Variants in TBC1D8B observed in about 807,000 individuals in gnomAD.
TBC1D8B encodes TBC1 domain family member 8B.
Under a neutral mutation model 82.9 loss-of-function variants are expected in TBC1D8B, and 75 were observed. The observed-to-expected ratio is 0.90, with a 90% confidence interval of 0.75 to 1.10. The LOEUF (loss-of-function observed/expected upper bound fraction) is 1.10. TBC1D8B is among the 50% of genes least tolerant of loss of function. The pLI is 0.00. For missense variants in TBC1D8B, 794 were observed against 796.9 expected, an observed-to-expected ratio of 1.00 and a Z score of 0.04; for synonymous variants, 276 against 276.8, an observed-to-expected ratio of 1.00 and a Z score of 0.03.
chrX:106,842,537 A>G (rs1429591038), intron 10 of TBC1D8B, among the ~76,000 whole-genome samples: 2 of 110,903 alleles, frequency 1.8e-5, no homozygotes, highest in Non-Finnish European at 3.8e-5. Context: ...TAAACTTAAT[A>G]TGGTAGACAG....
chrX:106,855,448 A>C (rs1932676129), intron 14 of TBC1D8B, among the ~76,000 whole-genome samples: 1 of 112,131 alleles, frequency 8.9e-6, no homozygotes, highest in South Asian at 3.7e-4. Context: ...GCACACATGC[A>C]TGTGTATTGG....
chrX:106,865,500 GA>G (rs1274027955), intron 14 of TBC1D8B, 58 bp from the exon 15 acceptor site: 1 of 962,051 alleles, frequency 1.0e-6, no homozygotes, highest in East Asian at 3.2e-5. Context: ...AATTCAAAGA[GA>G]ATTTCTTTAC....
intron 7 of TBC1D8B, chrX:106,828,016 AG>A (rs755324648): frequency 3.0e-4 from 34 of 111,713 alleles, no homozygotes; most frequent in African/African-American, 1.1e-3. Context: ...GTTTTTTGAA[AG>A]GATCAACAAA....
chrX:106,839,457 G>A lies in TBC1D8B; in HGVS notation c.1353G>A (p.Met451Ile). Residue 451 changes from methionine (M) to isoleucine (I), a missense_variant and splice_region_variant, in exon 8 of 21, where the codon ATG becomes ATA. Met to Ile is a conservative substitution (Grantham distance 10). Transcript: ENST00000357242. ...PQNLETLNSKMLKEKMKEQSW... is the reference protein window; with the variant it reads ...PQNLETLNSKILKEKMKEQSW... Reference sequence around the variant, plus strand: ...ATTTGGAGACTCTTAATTCTAAAATGGTAGGAAAACAAAATATTTAAACCT... The same window carrying A: ...ATTTGGAGACTCTTAATTCTAAAATAGTAGGAAAACAAAATATTTAAACCT... 4 of 1,139,826 alleles carry A rather than the reference G, an allele frequency of 3.5e-6. No homozygotes were observed. The highest frequency in any genetic ancestry group is 4.7e-6 in the Non-Finnish European group (4 of 859,512). 93.9% of individuals were successfully genotyped at this position (1,139,826 alleles called of 1,213,427 possible). A position where few individuals can be genotyped will look rare whatever the true frequency, so the allele number is the denominator to read the frequency against.
rs189984711 is a variant in TBC1D8B at position 106,835,057 on chromosome X, C to T, written c.1204-4251C>T. On this transcript the variant is annotated intron_variant, in intron 7 of 20. Transcript: ENST00000357242. ...CAATGGGGACTCTATGTGGGGGCTCCGACCCCACATTTTCCTTCCATACTG... is the reference window on the plus strand; with the variant it reads ...CAATGGGGACTCTATGTGGGGGCTCTGACCCCACATTTTCCTTCCATACTG... Among the ~76,000 whole-genome samples the T allele has an allele frequency of 1.0e-3, 117 of 112,109 alleles. 2 individuals carry two copies. Among genetic ancestry groups the T allele is most frequent in the African/African-American group, 3.5e-3 (109 of 30,894 alleles).
chrX:106,845,121 A>G (rs1318428544), intron 10 of TBC1D8B, among the ~76,000 whole-genome samples: 1 of 109,403 alleles, frequency 9.1e-6, no homozygotes, highest in Non-Finnish European at 1.9e-5. Context: ...TTGCTCTTGC[A>G]CACTCTCACT....
intron 7 of TBC1D8B, among the ~76,000 whole-genome samples, chrX:106,833,321 T>C (rs1485014526): frequency 1.8e-5 from 2 of 111,707 alleles, no homozygotes; most frequent in Non-Finnish European, 3.8e-5. Flanking sequence ...GCTTTCTAGA[T>C]GTGATTGGAT....
At chrX:106,839,660 G>C (rs888450165) in intron 8 of TBC1D8B, among the ~76,000 whole-genome samples, 1 of 111,626 alleles carries the variant, frequency 9.0e-6, no homozygotes, top group African/African-American at 3.2e-5. Flanking sequence ...ATAAAAGTTG[G>C]ACATTGGGGA....
intron 18 of TBC1D8B, among the ~76,000 whole-genome samples, chrX:106,868,999 G>A (rs1932831053): frequency 9.0e-6 from 1 of 111,489 alleles, no homozygotes; most frequent in South Asian, 3.8e-4. Context: ...ATGTTAAAGT[G>A]TTTGAACATT....
At chrX:106,835,833 A>G (rs1932163917) in intron 7 of TBC1D8B, among the ~76,000 whole-genome samples, 1 of 111,818 alleles carries the variant, frequency 8.9e-6, no homozygotes, top group Admixed American at 9.5e-5. Flanking sequence ...TTTTGGTCAA[A>G]GCCATTCAAC....
intron 3 of TBC1D8B, among the ~76,000 whole-genome samples, chrX:106,821,545 T>C (rs1931691989): frequency 9.0e-6 from 1 of 111,557 alleles, no homozygotes; most frequent in South Asian, 3.7e-4. Context: ...TGTACCTGTA[T>C]AGATATATAC....
At chrX:106,842,539 G>T (rs372477914) in intron 10 of TBC1D8B, among the ~76,000 whole-genome samples, 34 of 110,663 alleles carry the variant, frequency 3.1e-4, no homozygotes, top group African/African-American at 1.1e-3. Context: ...AACTTAATAT[G>T]GTAGACAGAT....
chrX:106,874,821 T>C lies in TBC1D8B; in HGVS notation c.*856T>C, dbSNP rs1932876179. The C allele has an allele frequency of 8.9e-6, 1 of 112,020 alleles. No individual in the cohort carries two copies. The highest frequency in any genetic ancestry group is 1.9e-5 in the Non-Finnish European group (1 of 53,175). The allele number at this position is 112,020 out of a possible 1,213,427, so 9.2% of individuals were successfully genotyped here. A position where few individuals can be genotyped will look rare whatever the true frequency, so the allele number is the denominator to read the frequency against. On this transcript the variant is annotated 3_prime_UTR_variant, in exon 21 of 21. Transcript: ENST00000357242. ...GTGGTATTTGTCTCAGAGTAGCTTATGACTGTTTTGGTTCTAGCTTTAGAT... is the reference window on the plus strand; with the variant it reads ...GTGGTATTTGTCTCAGAGTAGCTTACGACTGTTTTGGTTCTAGCTTTAGAT...
At chrX:106,862,064 G>A (rs1932779802) in intron 14 of TBC1D8B, among the ~76,000 whole-genome samples, 1 of 112,009 alleles carries the variant, frequency 8.9e-6, no homozygotes, top group African/African-American at 3.2e-5. Flanking sequence ...CTGAATATAG[G>A]CCTTCAATCT....
chrX:106,865,373 T>A (rs1932807145), intron 14 of TBC1D8B, among the ~76,000 whole-genome samples, 186 bp from the exon 15 acceptor site: 1 of 112,473 alleles, frequency 8.9e-6, no homozygotes, highest in Admixed American at 9.4e-5. Flanking sequence ...ACTACTACTT[T>A]TTAAAAGGAA....
chrX:106,850,423 T>G (rs1469513318), intron 12 of TBC1D8B, 113 bp downstream of exon 12: 2 of 777,225 alleles, frequency 2.6e-6, no homozygotes, highest in Non-Finnish European at 3.5e-6. Context: ...TGTCCGAGAT[T>G]ACAAAACCAC....
At chrX:106,861,979 ATTTCTCCTT>A (rs1200252767) in intron 14 of TBC1D8B, among the ~76,000 whole-genome samples, 33 of 111,964 alleles carry the variant, frequency 2.9e-4, no homozygotes, top group Admixed American at 9.5e-5. Flanking sequence ...GAAGGATCTT[ATTTCTCCTT>A]TGCTTATGAA....
intron 12 of TBC1D8B, among the ~76,000 whole-genome samples, chrX:106,853,133 C>G (rs1387820058): frequency 1.8e-5 from 2 of 110,981 alleles, no homozygotes; most frequent in Non-Finnish European, 3.8e-5. Context: ...TTGAAGAGGT[C>G]CTTCACATCC....
At chrX:106,818,907 T>G in intron 2 of TBC1D8B, 134 bp downstream of exon 2, 1 of 455,535 alleles carries the variant, frequency 2.2e-6, no homozygotes, top group South Asian at 4.7e-5. Flanking sequence ...TTTGAGAGAA[T>G]AGCAAGACCT....
Sources: gnomAD v4.1 joint callset for allele counts (sites outside exome capture counted in the v4.1 genomes callset) on GRCh38, gnomAD v4.1.1 for gene constraint, MANE v1.5 for transcripts, NCBI Gene and HGNC (gene_info 2026-07-23, HGNC 2026-07-21) for gene names.